The following GABRA2 variants were observed in gnomAD, a reference collection of about 807,000 sequenced individuals.
GABRA2 encodes gamma-aminobutyric acid type A receptor subunit alpha2.
A neutral mutation model predicts 48.7 loss-of-function variants in GABRA2; 16 were observed. The observed-to-expected ratio is 0.33, with a 90% CI of 0.22 to 0.50. The LOEUF is 0.50. GABRA2 is among the 20% of genes least tolerant of loss of function. The probability of loss-of-function intolerance (pLI) is 0.98; values close to 1 mark genes in which losing one functional copy is unlikely to be tolerated. For missense variants in GABRA2, 275 were observed against 535.6 expected (o/e 0.51, Z 4.80); for synonymous variants, 185 against 184.5 (o/e 1.00, Z -0.02).
chr4:46,389,853 G>A lies in GABRA2; in HGVS notation c.-129C>T. ...AGAGAGAGAGAGAGAGAGAGAGAGA[G>A]AGAGAGAGACCGAGACTGCAGCAGC... is the stretch of plus-strand genomic sequence containing the variant. On this transcript the variant is annotated 5_prime_UTR_variant, in exon 1 of 10. Transcript: ENST00000381620. 3.2e-6 allele frequency: 3 copies of A among 944,626 alleles called. No individual in the cohort carries two copies. The highest frequency in any genetic ancestry group is 1.9e-5 in the African/African-American group (1 of 53,388). The allele number at this position is 944,626 out of a possible 1,614,324, so 58.5% of individuals were successfully genotyped here. A position where few individuals can be genotyped will look rare whatever the true frequency, so the allele number is the denominator to read the frequency against.
chr4:46,270,811 G>A (rs1219373248), intron 8 of GABRA2, among the ~76,000 whole-genome samples: 1 of 151,894 alleles, frequency 6.6e-6, no homozygotes, highest in Non-Finnish European at 1.5e-5. Flanking sequence ...TCCAAGCAAA[G>A]AGTGTTGGGT....
At chr4:46,285,850 A>G (rs187113194) in intron 8 of GABRA2, among the ~76,000 whole-genome samples, 1 of 152,030 alleles carries the variant, frequency 6.6e-6, no homozygotes, top group South Asian at 2.1e-4. Flanking sequence ...AATAACTTGC[A>G]AAGTTTTCAG....
chr4:46,352,245 T>C (rs1735254061), intron 3 of GABRA2, among the ~76,000 whole-genome samples: 1 of 151,960 alleles, frequency 6.6e-6, no homozygotes, highest in Non-Finnish European at 1.5e-5. Context: ...CAGTTACAAC[T>C]AAATCAGGGT....
intron 3 of GABRA2, among the ~76,000 whole-genome samples, chr4:46,373,722 TATG>T (rs971251277): frequency 5.3e-5 from 8 of 152,166 alleles, no homozygotes; most frequent in Non-Finnish European, 8.8e-5. Flanking sequence ...CCCATTGTTG[TATG>T]ATATTTTTAC....
At chr4:46,279,098 G>A (rs1300598521) in intron 8 of GABRA2, among the ~76,000 whole-genome samples, 1 of 151,992 alleles carries the variant, frequency 6.6e-6, no homozygotes, top group African/African-American at 2.4e-5. Context: ...GCAGCTTTGT[G>A]CGCCGTGTTT....
intron 3 of GABRA2, among the ~76,000 whole-genome samples, chr4:46,370,758 C>A (rs1714758918): frequency 6.6e-6 from 1 of 152,196 alleles, no homozygotes; most frequent in Admixed American, 6.5e-5. Context: ...ACTGGACAGA[C>A]CTTAGAGGTT....
chr4:46,288,412 C>T (rs1213098187), intron 8 of GABRA2, among the ~76,000 whole-genome samples: 2 of 152,068 alleles, frequency 1.3e-5, no homozygotes. Context: ...AAACAGGCTT[C>T]GTACCTACAC....
chr4:46,323,735 T>TA (rs896023638), intron 4 of GABRA2, among the ~76,000 whole-genome samples: 374 of 140,402 alleles, frequency 2.7e-3, no homozygotes, highest in East Asian at 6.8e-3. Context: ...ACAACATCAT[T>TA]AAAAAAAAAA....
chr4:46,299,885 A>T (rs1212458130), intron 8 of GABRA2, among the ~76,000 whole-genome samples: 1 of 151,784 alleles, frequency 6.6e-6, no homozygotes, highest in Non-Finnish European at 1.5e-5. Flanking sequence ...CTTAGACGAG[A>T]TACCTAAAAC....
rs1387206593 is a variant in GABRA2 at position 46,248,150 on chromosome 4, T to C, written c.*2158A>G. Among the ~76,000 whole-genome samples, 1 of 151,274 alleles carries C rather than the reference T, an allele frequency of 6.6e-6. No individual in the cohort carries two copies. The highest frequency in any genetic ancestry group is 1.5e-5 in the Non-Finnish European group (1 of 67,494). ...ACAACTGTTTTTACATATACACATATTTATAAATTTATAACTTATAGTCAG... is the reference window on the plus strand; with the variant it reads ...ACAACTGTTTTTACATATACACATACTTATAAATTTATAACTTATAGTCAG... On this transcript the variant is annotated 3_prime_UTR_variant, in exon 10 of 10. Coordinates refer to ENST00000381620, the MANE Select transcript of GABRA2 (RefSeq NM_000807.4).
At chr4:46,298,353 A>C (rs748376296) in intron 8 of GABRA2, among the ~76,000 whole-genome samples, 4 of 150,814 alleles carry the variant, frequency 2.7e-5, no homozygotes, top group Non-Finnish European at 5.9e-5. Flanking sequence ...GTTCTTTTAA[A>C]ACTCTTAACA....
chr4:46,358,037 G>A (rs1303905711), intron 3 of GABRA2, among the ~76,000 whole-genome samples: 1 of 152,054 alleles, frequency 6.6e-6, no homozygotes, highest in Non-Finnish European at 1.5e-5. Flanking sequence ...GTTAGTATGA[G>A]TATACTAGGC....
Position 46,312,667 on chromosome 4 carries a change from A to C in GABRA2, c.305T>G (p.Leu102Ter). 1 of 1,518,564 alleles carries C rather than the reference A, an allele frequency of 6.6e-7. No individual in the cohort carries two copies. The highest frequency in any genetic ancestry group is 8.8e-7 in the Non-Finnish European group (1 of 1,139,972). The allele number at this position is 1,518,564 out of a possible 1,614,324, so 94.1% of individuals were successfully genotyped here. Residue 102 changes from leucine to a stop codon, truncating the protein, a stop_gained, in exon 5 of 10, where the codon TTA becomes TGA. Transcript: ENST00000381620. LOFTEE classifies it high-confidence loss of function. Reference protein sequence around the residue: ...FFRQKWKDERLKFKGPMNILR... With the variant: ...FFRQKWKDER The stretch of plus-strand genomic sequence containing the variant: ...GATATTCATAGGACCTTTAAATTTT[A>C]AACGTTCATCTTTCCATTTTTGTCG...
chr4:46,317,530 T>G (rs569820429), intron 4 of GABRA2, among the ~76,000 whole-genome samples: 16 of 151,748 alleles, frequency 1.1e-4, no homozygotes, highest in African/African-American at 3.6e-4. Context: ...GGAAATGGGG[T>G]AGTGAATGCA....
intron 2 of GABRA2, chr4:46,386,790 C>T (rs965921742): frequency 1.3e-5 from 2 of 152,702 alleles, no homozygotes; most frequent in African/African-American, 4.8e-5. Flanking sequence ...TCCATGTAGC[C>T]AGGAGGTGGA....
At chr4:46,282,819 T>G (rs1275555517) in intron 8 of GABRA2, among the ~76,000 whole-genome samples, 1 of 152,208 alleles carries the variant, frequency 6.6e-6, no homozygotes, top group Non-Finnish European at 1.5e-5. Context: ...TTGCCCAGAA[T>G]TCCACTAAGT....
intron 8 of GABRA2, among the ~76,000 whole-genome samples, chr4:46,263,301 G>A (rs1717430553): frequency 6.6e-6 from 1 of 151,994 alleles, no homozygotes; most frequent in Non-Finnish European, 1.5e-5. Flanking sequence ...CTAAGAAACT[G>A]TTGTCTAATC....
At chr4:46,385,875 T>C (rs1248126925) in intron 3 of GABRA2, among the ~76,000 whole-genome samples, 199 bp downstream of exon 3, 1 of 152,142 alleles carries the variant, frequency 6.6e-6, no homozygotes, top group Non-Finnish European at 1.5e-5. Context: ...AGGCATTCTA[T>C]GAAAGATATG....
chr4:46,336,587 C>A (rs771716159), intron 3 of GABRA2, among the ~76,000 whole-genome samples: 52 of 152,128 alleles, frequency 3.4e-4, no homozygotes, highest in Non-Finnish European at 6.5e-4. Context: ...GTACAGATTT[C>A]TCCAGAGGCA....
Sources: gnomAD v4.1 joint callset for allele counts (sites outside exome capture counted in the v4.1 genomes callset) on GRCh38, gnomAD v4.1.1 for gene constraint, MANE v1.5 for transcripts, NCBI Gene and HGNC (gene_info 2026-07-23, HGNC 2026-07-21) for gene names.